Variants in PDE7A observed in about 807,000 individuals in gnomAD.
The protein encoded by PDE7A is phosphodiesterase 7A.
In PDE7A, 39 loss-of-function variants were observed where a neutral mutation model predicts 64.3. The observed-to-expected ratio is 0.61, with a 90% CI of 0.47 to 0.79. The LOEUF is 0.79. Among genes scored for constraint, PDE7A ranks in the 30% least tolerant of loss-of-function variants. The pLI is 0.00. For synonymous variants in PDE7A, 203 were observed against 206.8 expected (o/e 0.98, Z 0.16); for missense variants, 470 against 582.8 (o/e 0.81, Z 1.99).
At chr8:65,788,445 A>G (rs995837718) in intron 1 of PDE7A, among the ~76,000 whole-genome samples, 1 of 152,194 alleles carries the variant, frequency 6.6e-6, no homozygotes, top group African/African-American at 2.4e-5. Flanking sequence ...AACATGATAG[A>G]CGGTGGTTTT....
chr8:65,757,172 G>A (rs2357474), intron 3 of PDE7A, among the ~76,000 whole-genome samples: 34,771 of 152,080 alleles, frequency 0.23, 5,588 homozygotes, highest in African/African-American at 0.46. Flanking sequence ...AATCAGAAAA[G>A]TGGGCAGACA....
chr8:65,834,157 T>C (rs1810897281), intron 1 of PDE7A, among the ~76,000 whole-genome samples: 1 of 152,138 alleles, frequency 6.6e-6, no homozygotes, highest in Non-Finnish European at 1.5e-5. Flanking sequence ...TTGCAAAGCA[T>C]CACCCCTGAG....
intron 1 of PDE7A, among the ~76,000 whole-genome samples, chr8:65,828,468 C>T (rs1421010041): frequency 6.6e-6 from 1 of 152,054 alleles, no homozygotes; most frequent in Non-Finnish European, 1.5e-5. Flanking sequence ...TTAAAATACC[C>T]ATAATTTATC....
In PDE7A at chr8:65,767,783, T is replaced by A. The variant is rs187340351; in HGVS notation, c.283+11937A>T. 3.9e-4 allele frequency among the ~76,000 whole-genome samples: 60 copies of A among 152,248 alleles called. No homozygotes were observed. In the Middle Eastern group the frequency reaches 0.017, roughly 43 times the overall value. Reference sequence around the variant, plus strand: ...CTTCCCCCATACCTCACCCTACACATCTCTTCATCTGGATCCTTTGCAATA... The same window carrying A: ...CTTCCCCCATACCTCACCCTACACAACTCTTCATCTGGATCCTTTGCAATA... On this transcript the variant is annotated intron_variant, in intron 3 of 12. Coordinates refer to ENST00000401827, the MANE Select transcript of PDE7A (RefSeq NM_001242318.3).
intron 1 of PDE7A, among the ~76,000 whole-genome samples, chr8:65,838,984 T>A (rs182696596): frequency 1.3e-5 from 2 of 152,358 alleles, no homozygotes; most frequent in East Asian, 3.9e-4. Context: ...AACCAAGTTT[T>A]GGATAAATGA....
chr8:65,788,463 T>A (rs1178171588), intron 1 of PDE7A, among the ~76,000 whole-genome samples: 1 of 152,192 alleles, frequency 6.6e-6, no homozygotes, highest in African/African-American at 2.4e-5. Flanking sequence ...TTTTCGTTTT[T>A]AAAAAGTTTA....
chr8:65,841,132 G>C (rs548640312), intron 1 of PDE7A, among the ~76,000 whole-genome samples: 9 of 152,230 alleles, frequency 5.9e-5, no homozygotes, highest in Non-Finnish European at 1.3e-4. Context: ...ACGAGCCTGG[G>C]GAGGGTCTGA....
At chr8:65,833,568 C>G (rs1173368249) in intron 1 of PDE7A, among the ~76,000 whole-genome samples, 1 of 152,164 alleles carries the variant, frequency 6.6e-6, no homozygotes, top group Non-Finnish European at 1.5e-5. Flanking sequence ...TCTGGAAGTT[C>G]ATATAATACC....
At chr8:65,822,260 GCTATACCA>G (rs1810560405) in intron 1 of PDE7A, among the ~76,000 whole-genome samples, 2 of 152,176 alleles carry the variant, frequency 1.3e-5, no homozygotes, top group Admixed American at 6.5e-5. Flanking sequence ...GACTGTGAAT[GCTATACCA>G]CTTCAAGAAG....
chr8:65,770,351 AAGGCAAAAGCCACGTCTTACCTGGCAGC>A (rs1334554296), intron 3 of PDE7A, among the ~76,000 whole-genome samples: 1 of 152,236 alleles, frequency 6.6e-6, no homozygotes, highest in Non-Finnish European at 1.5e-5. Flanking sequence ...ATCAGGGCAG[AAGGCAAAAGCCACGTCTTACCTGGCAGC>A]AGGCAAGGGT....
chr8:65,812,225 A>G (rs1389168023), intron 1 of PDE7A, among the ~76,000 whole-genome samples: 2 of 152,112 alleles, frequency 1.3e-5, no homozygotes, highest in East Asian at 3.8e-4. Flanking sequence ...AAAAAAAAAA[A>G]AAAGTCCAGG....
intron 4 of PDE7A, among the ~76,000 whole-genome samples, chr8:65,747,218 G>C (rs1807712759): frequency 6.6e-6 from 1 of 152,162 alleles, no homozygotes; most frequent in Non-Finnish European, 1.5e-5. Context: ...AAAAGAGAGA[G>C]AGACCTAACT....
At chr8:65,838,707 G>C (rs1193570890) in intron 1 of PDE7A, 3 of 152,208 alleles carry the variant, frequency 2.0e-5, no homozygotes, top group African/African-American at 7.2e-5. Context: ...AAATGTCCCA[G>C]GGTGCTTGTA....
At chr8:65,762,375 G>A (rs1346667171) in intron 3 of PDE7A, among the ~76,000 whole-genome samples, 3 of 152,164 alleles carry the variant, frequency 2.0e-5, no homozygotes, top group Non-Finnish European at 4.4e-5. Flanking sequence ...GGGAAAATCA[G>A]CTAGGTGTCT....
intron 1 of PDE7A, among the ~76,000 whole-genome samples, chr8:65,813,200 C>T (rs1195491056): frequency 6.6e-6 from 1 of 152,160 alleles, no homozygotes; most frequent in African/African-American, 2.4e-5. Context: ...TGTAAATGCA[C>T]ATAGCTTCTG....
chr8:65,807,721 A>G (rs926471669), intron 1 of PDE7A, among the ~76,000 whole-genome samples: 8 of 152,058 alleles, frequency 5.3e-5, no homozygotes, highest in African/African-American at 1.9e-4. Context: ...AGTTTTCTGG[A>G]TGGTTTTATC....
At chr8:65,786,454 A>T (rs1446392327) in intron 1 of PDE7A, among the ~76,000 whole-genome samples, 1 of 152,220 alleles carries the variant, frequency 6.6e-6, no homozygotes, top group Non-Finnish European at 1.5e-5. Flanking sequence ...AGGAAGGTAG[A>T]ATAATCTACA....
At chr8:65,821,328 G>A (rs1483709087) in intron 1 of PDE7A, among the ~76,000 whole-genome samples, 3 of 151,984 alleles carry the variant, frequency 2.0e-5, no homozygotes, top group Admixed American at 6.6e-5. Flanking sequence ...CACTGTTCCC[G>A]CTGTGAAAAG....
At chr8:65,772,567 G>A (rs1197172996) in intron 3 of PDE7A, among the ~76,000 whole-genome samples, 2 of 152,158 alleles carry the variant, frequency 1.3e-5, no homozygotes, top group Non-Finnish European at 2.9e-5. Flanking sequence ...ATAAACTACT[G>A]ATATCTTCAA....
Sources: gnomAD v4.1 joint callset for allele counts (sites outside exome capture counted in the v4.1 genomes callset) on GRCh38, gnomAD v4.1.1 for gene constraint, MANE v1.5 for transcripts, NCBI Gene and HGNC (gene_info 2026-07-23, HGNC 2026-07-21) for gene names.